The following SSBP3 variants were observed in gnomAD, a reference collection of about 807,000 sequenced individuals.
SSBP3 encodes single stranded DNA binding protein 3, also known as single-stranded DNA-binding protein 3.
SSBP3 carries 5 observed loss-of-function variants against 69.6 expected under a neutral mutation model. The ratio of observed to expected loss-of-function variants is 0.07; its 90% CI spans 0.04 to 0.15. The LOEUF (loss-of-function observed/expected upper bound fraction) is 0.15. SSBP3 is among the 10% of genes least tolerant of loss of function. The pLI, the probability that SSBP3 is intolerant of heterozygous loss-of-function variation, is 1.00. For synonymous variants in SSBP3, 196 were observed against 193.4 expected, an observed-to-expected ratio of 1.01 and a Z score of -0.11; for missense variants, 312 against 534.0, an observed-to-expected ratio of 0.58 and a Z score of 4.10.
chr1:54,324,213 A>C (rs1262669746), intron 4 of SSBP3, among the ~76,000 whole-genome samples: 1 of 152,192 alleles, frequency 6.6e-6, no homozygotes, highest in Non-Finnish European at 1.5e-5. Context: ...CGGCCACAGA[A>C]ATCAGAAGTG....
In SSBP3 at chr1:54,390,791, C is replaced by T. The variant is rs954685724; in HGVS notation, c.276+11070G>A. ...GGAGCTGCGGGCCAGGGCCGCCGCC[C>T]GTAACACAAGCGGGCTCCGAGTGGG... is the stretch of plus-strand genomic sequence containing the variant. On this transcript the variant is annotated intron_variant, in intron 4 of 17. Coordinates refer to ENST00000610401, the Ensembl canonical transcript of SSBP3. Among the ~76,000 whole-genome samples, 31 of 152,374 alleles carry T rather than the reference C, an allele frequency of 2.0e-4. 1 individual carries two copies. Among genetic ancestry groups the T allele is most frequent in the South Asian group, 8.3e-4 (4 of 4,830 alleles).
chr1:54,381,494 T>C (rs1375207797), intron 4 of SSBP3, among the ~76,000 whole-genome samples: 1 of 151,922 alleles, frequency 6.6e-6, no homozygotes, highest in African/African-American at 2.4e-5. Context: ...TTTTAACACA[T>C]TTTTGCTAGA....
intron 3 of SSBP3, among the ~76,000 whole-genome samples, chr1:54,403,484 G>A (rs774200641): frequency 3.2e-4 from 48 of 152,262 alleles, no homozygotes; most frequent in Non-Finnish European, 5.1e-4. Context: ...GCCACAGAAA[G>A]CCTATCACCC....
At chr1:54,370,620 A>G (rs1647115334) in intron 4 of SSBP3, among the ~76,000 whole-genome samples, 1 of 152,190 alleles carries the variant, frequency 6.6e-6, no homozygotes, top group African/African-American at 2.4e-5. Flanking sequence ...AAACGGGGTA[A>G]TAAGCCTTGT....
At chr1:54,235,174 A>G (rs564237136) in intron 14 of SSBP3, among the ~76,000 whole-genome samples, 14 of 151,182 alleles carry the variant, frequency 9.3e-5, no homozygotes, top group Non-Finnish European at 1.6e-4. Context: ...ATGTCCATCC[A>G]TTTTTGTCCA....
chr1:54,382,985 CA>C (rs781100304), intron 4 of SSBP3, among the ~76,000 whole-genome samples: 1,310 of 89,910 alleles, frequency 0.015, 16 homozygotes, highest in African/African-American at 0.048. Flanking sequence ...AACTCCATGA[CA>C]AAAAAAAAAA....
intron 14 of SSBP3, among the ~76,000 whole-genome samples, chr1:54,231,142 C>A (rs191607400): frequency 2.2e-4 from 33 of 152,332 alleles, no homozygotes; most frequent in Admixed American, 1.4e-3. Flanking sequence ...AGCAGCTGTG[C>A]CATTTTACAT....
chr1:54,279,131 C>T (rs1362628255), intron 5 of SSBP3, among the ~76,000 whole-genome samples: 1 of 152,118 alleles, frequency 6.6e-6, no homozygotes, highest in Non-Finnish European at 1.5e-5. Flanking sequence ...CCAACGTCAC[C>T]CAGGAAGCAG....
chr1:54,251,564 C>T (rs1340646678), intron 9 of SSBP3, 52 bp downstream of exon 9: 8 of 1,514,432 alleles, frequency 5.3e-6, no homozygotes, highest in East Asian at 2.5e-5. Flanking sequence ...GGAGAGAAGG[C>T]GGGTGCACAC....
chr1:54,396,997 G>C (rs213501), intron 4 of SSBP3, among the ~76,000 whole-genome samples: 70,776 of 152,082 alleles, frequency 0.47, 18,301 homozygotes, highest in African/African-American at 0.71. Context: ...AGGAATTGCA[G>C]AAAACAGGGC....
intron 4 of SSBP3, among the ~76,000 whole-genome samples, chr1:54,297,251 C>T (rs76947665): frequency 0.027 from 4,102 of 152,336 alleles, 167 homozygotes; most frequent in African/African-American, 0.091. Context: ...CTGAATTTGC[C>T]TATCTGTAAA....
At chr1:54,341,464 T>C (rs1481151143) in intron 4 of SSBP3, among the ~76,000 whole-genome samples, 1 of 152,228 alleles carries the variant, frequency 6.6e-6, no homozygotes, top group East Asian at 1.9e-4. Context: ...CCAAACTGCA[T>C]CCATGGGCCA....
chr1:54,240,230 G>A (rs919006524), intron 13 of SSBP3, among the ~76,000 whole-genome samples: 3 of 151,544 alleles, frequency 2.0e-5, no homozygotes, highest in Non-Finnish European at 4.4e-5. Flanking sequence ...AGGCTGAGGC[G>A]GGTGGATCAC....
chr1:54,289,160 C>G (rs1007264846), intron 4 of SSBP3, among the ~76,000 whole-genome samples: 5 of 151,856 alleles, frequency 3.3e-5, no homozygotes, highest in Admixed American at 2.6e-4. Flanking sequence ...ATGAGAGAAG[C>G]ACAATCCATT....
At chr1:54,304,807 G>C (rs1174385378) in intron 4 of SSBP3, among the ~76,000 whole-genome samples, 1 of 152,048 alleles carries the variant, frequency 6.6e-6, no homozygotes, top group Non-Finnish European at 1.5e-5. Flanking sequence ...CCAGGGCCTT[G>C]TAAAAAGCCT....
chr1:54,369,517 C>T (rs540946992), intron 4 of SSBP3, among the ~76,000 whole-genome samples: 4 of 152,294 alleles, frequency 2.6e-5, no homozygotes, highest in Non-Finnish European at 4.4e-5. Context: ...AAAAAGAGAA[C>T]CACTAGTTAG....
At chr1:54,259,286 G>A (rs1233274528) in intron 5 of SSBP3, among the ~76,000 whole-genome samples, 1 of 151,902 alleles carries the variant, frequency 6.6e-6, no homozygotes, top group Non-Finnish European at 1.5e-5. Flanking sequence ...AAAATCCGAG[G>A]TAATAAAAAA....
At chr1:54,232,069 C>G (rs1644388939) in intron 14 of SSBP3, among the ~76,000 whole-genome samples, 1 of 152,186 alleles carries the variant, frequency 6.6e-6, no homozygotes, top group African/African-American at 2.4e-5. Context: ...TGTGGATATT[C>G]AGTTGTCTCA....
chr1:54,339,640 T>C (rs1260764614), intron 4 of SSBP3, among the ~76,000 whole-genome samples: 3 of 151,370 alleles, frequency 2.0e-5, no homozygotes, highest in Admixed American at 6.6e-5. Context: ...CAGCCGGGCA[T>C]GGTGGCTCAC....
Sources: allele counts gnomAD v4.1 joint callset (sites outside exome capture counted in the v4.1 genomes callset), GRCh38; gene constraint gnomAD v4.1.1; transcripts MANE v1.5; gene names NCBI Gene and HGNC (gene_info 2026-07-23, HGNC 2026-07-21).